The following NIBAN1 variants were observed in gnomAD, a reference collection of about 807,000 sequenced individuals.
NIBAN1 encodes protein Niban 1.
Under a neutral mutation model 75.1 loss-of-function variants are expected in NIBAN1, and 81 were observed. The ratio of observed to expected loss-of-function variants is 1.08; its 90% CI spans 0.90 to 1.30. The LOEUF is 1.30. Among genes scored for constraint, NIBAN1 ranks in the 50% most tolerant of loss-of-function variants. The pLI is 0.00. For missense variants in NIBAN1, 1,133 were observed against 1,128.1 expected, an observed-to-expected ratio of 1.00 and a Z score of -0.06; for synonymous variants, 436 against 424.8, an observed-to-expected ratio of 1.03 and a Z score of -0.32.
chr1:184,906,957 A>G (rs1288140946), intron 1 of NIBAN1, among the ~76,000 whole-genome samples: 2 of 152,208 alleles, frequency 1.3e-5, no homozygotes, highest in Non-Finnish European at 2.9e-5. Context: ...TACTATTTAT[A>G]GCAGATTATG....
intron 1 of NIBAN1, 136 bp downstream of exon 1, chr1:184,974,166 C>T: frequency 1.1e-6 from 1 of 919,996 alleles, no homozygotes; most frequent in Non-Finnish European, 1.5e-6. Flanking sequence ...CCGACTCGCG[C>T]GGGCGGGCTG....
At chr1:184,913,154 T>TGATATATATATATATATTA (rs1553227228) in intron 1 of NIBAN1, among the ~76,000 whole-genome samples, 3 of 146,648 alleles carry the variant, frequency 2.0e-5, no homozygotes, top group African/African-American at 5.0e-5. Context: ...TATATATATA[T>TGATATATATATATATATTA]TATATATATA....
chr1:184,974,269 G>GTGCT (rs1490857222), intron 1 of NIBAN1, 33 bp downstream of exon 1: 1 of 1,539,834 alleles, frequency 6.5e-7, no homozygotes, highest in South Asian at 1.2e-5. Context: ...ACGGGTCAGG[G>GTGCT]TGCTCCCCAG....
intron 5 of NIBAN1, 39 bp from the exon 6 acceptor site, chr1:184,832,001 A>T (rs1655013507): frequency 6.9e-7 from 1 of 1,456,362 alleles, no homozygotes; most frequent in African/African-American, 1.4e-5. Flanking sequence ...AAGATAAAAC[A>T]CTCTAGATTT....
At chr1:184,838,260 C>T (rs557420741) in intron 5 of NIBAN1, among the ~76,000 whole-genome samples, 1 of 152,278 alleles carries the variant, frequency 6.6e-6, no homozygotes, top group African/African-American at 2.4e-5. Context: ...GTGCTCGGCC[C>T]AGAGCCCCGA....
Position 184,795,669 on chromosome 1 carries a change from C to G in NIBAN1, c.2095G>C (p.Glu699Gln). The change falls in exon 14 of 14, where the codon GAG becomes CAG. Residue 699 changes from glutamate (E) to glutamine (Q), a missense_variant. Transcript: ENST00000367511. ...CCCGAGGCAGTGATGGGTTCTGGCT[C>G]TTCCTGGGCGGGTTCTTCATCCTCA... ...TLEDEEPAQE[E>Q]PEPITASGSL... 2 of 1,614,180 alleles carry G rather than the reference C, an allele frequency of 1.2e-6. No homozygotes were observed. Among genetic ancestry groups the G allele is most frequent in the Non-Finnish European group, 1.7e-6 (2 of 1,180,038 alleles).
At chr1:184,922,147 G>A (rs1657570971) in intron 1 of NIBAN1, among the ~76,000 whole-genome samples, 1 of 151,398 alleles carries the variant, frequency 6.6e-6, no homozygotes. Context: ...GTATTTATGG[G>A]ATACATGACA....
Position 184,799,895 on chromosome 1 carries a change from G to A in NIBAN1, c.1555-1705C>T, listed in dbSNP as rs1352704479. On this transcript the variant is annotated intron_variant, in intron 12 of 13. Coordinates refer to ENST00000367511, the MANE Select transcript of NIBAN1 (RefSeq NM_052966.4). ...CGAGTAGCTGGGACTACAGGCGCCC[G>A]CTACCACGCCCAGCTAATTTTTTGT... 5.1e-5 allele frequency among the ~76,000 whole-genome samples: 5 copies of A among 98,332 alleles called. 2 individuals are homozygous for A. Among genetic ancestry groups the A allele is most frequent in the Non-Finnish European group, 7.7e-5 (4 of 52,032 alleles). The allele number at this position is 98,332 out of a possible 152,430, so 64.5% of individuals were successfully genotyped here.
intron 5 of NIBAN1, among the ~76,000 whole-genome samples, chr1:184,869,370 A>T (rs1656039276): frequency 6.6e-6 from 1 of 152,224 alleles, no homozygotes; most frequent in Admixed American, 6.5e-5. Flanking sequence ...TGCAAAACTC[A>T]GTAAAGAAAA....
chr1:184,893,069 G>A (rs1243780374), intron 3 of NIBAN1, among the ~76,000 whole-genome samples: 2 of 152,118 alleles, frequency 1.3e-5, no homozygotes, highest in East Asian at 1.9e-4. Flanking sequence ...ACTGCACCTC[G>A]CCATCTTGAC....
At chr1:184,948,388 A>G (rs1452494185) in intron 1 of NIBAN1, among the ~76,000 whole-genome samples, 2 of 152,230 alleles carry the variant, frequency 1.3e-5, no homozygotes, top group African/African-American at 4.8e-5. Flanking sequence ...AACTTCTGCT[A>G]CCAGGAGTCC....
intron 1 of NIBAN1, among the ~76,000 whole-genome samples, chr1:184,903,733 C>CTTTTTTT (rs368105582): frequency 6.0e-5 from 6 of 99,920 alleles, no homozygotes; most frequent in South Asian, 4.1e-4. Context: ...CCGATTAAAC[C>CTTTTTTT]TTTTTTTTTT....
chr1:184,826,853 C>T (rs559375268), intron 6 of NIBAN1, among the ~76,000 whole-genome samples: 3 of 151,822 alleles, frequency 2.0e-5, no homozygotes, highest in East Asian at 1.9e-4. Context: ...GAGTGGGTTA[C>T]GAGTGGCGGG....
intron 1 of NIBAN1, among the ~76,000 whole-genome samples, chr1:184,950,360 T>C (rs1658331012): frequency 6.6e-6 from 1 of 152,180 alleles, no homozygotes; most frequent in Non-Finnish European, 1.5e-5. Flanking sequence ...GGAGTTAATA[T>C]AATTTATTCC....
chr1:184,908,076 A>G (rs1006123766), intron 1 of NIBAN1, among the ~76,000 whole-genome samples: 2 of 152,202 alleles, frequency 1.3e-5, no homozygotes, highest in Non-Finnish European at 2.9e-5. Context: ...AGAACAAACA[A>G]TAAAGCATCG....
Position 184,868,833 on chromosome 1 carries a change from C to T in NIBAN1, c.601+15800G>A, listed in dbSNP as rs143798661. Among the ~76,000 whole-genome samples, 111 of 152,236 alleles carry T rather than the reference C, an allele frequency of 7.3e-4. 1 individual carries two copies. The highest frequency in any genetic ancestry group is 2.6e-3 in the African/African-American group (107 of 41,528). On this transcript the variant is annotated intron_variant, in intron 5 of 13. Transcript: ENST00000367511. ...ACACATGGTACAGTAGTTTAGAACA[C>T]GGGCTTGAAGTCGGCCTGCTTGGCT...
chr1:184,959,571 T>G lies in NIBAN1; in HGVS notation c.55+14731A>C, dbSNP rs545886675. 3.9e-5 allele frequency among the ~76,000 whole-genome samples: 6 copies of G among 152,350 alleles called. No individual in the cohort carries two copies. The East Asian group carries it at 1.2e-3, about 29-fold the overall frequency. The stretch of plus-strand genomic sequence containing the variant: ...CCTACTGTGATAGTTTTTAACTGGA[T>G]GATGGATATTAGATATTGTGAATTT... On this transcript the variant is annotated intron_variant, in intron 1 of 13. Coordinates refer to ENST00000367511, the MANE Select transcript of NIBAN1 (RefSeq NM_052966.4).
chr1:184,903,050 C>T (rs1411519710), intron 1 of NIBAN1, among the ~76,000 whole-genome samples: 1 of 152,196 alleles, frequency 6.6e-6, no homozygotes, highest in Non-Finnish European at 1.5e-5. Context: ...TTATTCATCA[C>T]CGTTTTCAAG....
chr1:184,934,751 C>T (rs569031077), intron 1 of NIBAN1, among the ~76,000 whole-genome samples: 146 of 152,196 alleles, frequency 9.6e-4, no homozygotes, highest in African/African-American at 3.3e-3. Context: ...ACAAGTTAGC[C>T]GGGCATGGTG....
Sources: allele counts gnomAD v4.1 joint callset (sites outside exome capture counted in the v4.1 genomes callset), GRCh38; gene constraint gnomAD v4.1.1; transcripts MANE v1.5; gene names NCBI Gene and HGNC (gene_info 2026-07-23, HGNC 2026-07-21).